The following LRP1 variants were observed in gnomAD, a reference collection of about 807,000 sequenced individuals.
LRP1 encodes the protein prolow-density lipoprotein receptor-related protein 1.
In LRP1, 51 loss-of-function variants were observed where a neutral mutation model predicts 541.5. The ratio of observed to expected loss-of-function variants is 0.09; its 90% CI spans 0.08 to 0.12. The LOEUF (loss-of-function observed/expected upper bound fraction) is 0.12. LRP1 is among the 10% of genes least tolerant of loss of function. The pLI is 1.00. For synonymous variants in LRP1, 2,219 were observed against 2,470.8 expected, an observed-to-expected ratio of 0.90 and a Z score of 3.02; for missense variants, 3,878 against 6,376.2, an observed-to-expected ratio of 0.61 and a Z score of 13.34.
At position 57,189,142 on chromosome 12, in the gene LRP1, C is replaced by T. The variant is rs2036327414; in HGVS notation, c.7032-1663C>T. ...CATGTTCCTGGACACTGAGCACCTA[C>T]CCCAGGAAAGCCTCTCTCTCCCTCC... On this transcript the variant is annotated intron_variant, in intron 42 of 88. Transcript: ENST00000243077. This position sits in a 1 kb window ranked among gnomAD's most constrained non-coding sequence, Gnocchi z 4.4. Among the ~76,000 whole-genome samples, 1 of 152,206 alleles carries T rather than the reference C, an allele frequency of 6.6e-6. No individual in the cohort carries two copies. The highest frequency in any genetic ancestry group is 2.4e-5 in the African/African-American group (1 of 41,448).
intron 78 of LRP1, 69 bp downstream of exon 78, chr12:57,208,886 G>C (rs926894260): frequency 7.4e-7 from 1 of 1,356,360 alleles, no homozygotes; most frequent in Non-Finnish European, 1.0e-6. Context: ...AGCTGCTGCT[G>C]AAGTCACACA....
rs1215484048 is a variant in LRP1 at position 57,198,578 on chromosome 12, C to T, written c.9584C>T (p.Thr3195Met). Residue 3195 changes from threonine (T) to methionine (M), a missense_variant, in exon 60 of 89, where the codon ACG (threonine) becomes ATG (methionine). Physicochemically the swap from Thr to Met is moderately conservative, Grantham distance 81. This residue lies in a region of LRP1 where 1,100 missense variants were observed against 1,827.4 expected (regional missense o/e 0.60). Coordinates refer to ENST00000243077, the MANE Select transcript of LRP1 (RefSeq NM_002332.3). The stretch of plus-strand genomic sequence containing the variant: ...AAGATCACATGGCCCAATGGCCTGA[C>T]GCTGGACTATGTCACTGAGCGCATC... ...DTKITWPNGL[T>M]LDYVTERIYW... is the part of the protein sequence containing the mutation. The T allele has an allele frequency of 1.2e-6, 2 of 1,613,924 alleles. No individual in the cohort carries two copies. Among genetic ancestry groups the T allele is most frequent in the Middle Eastern group, 1.6e-4 (1 of 6,062 alleles).
At position 57,184,269 on chromosome 12, in the gene LRP1, G is replaced by A. The variant is rs1256765224; in HGVS notation, c.6059+55G>A. 2 of 1,613,768 alleles carry A rather than the reference G, an allele frequency of 1.2e-6. No homozygotes were observed. Among genetic ancestry groups the A allele is most frequent in the African/African-American group, 2.7e-5 (2 of 74,908 alleles). Reference sequence around the variant, plus strand: ...TTCTGCCCATGGCCCATGCTGATGAGGCCCTGTCTCCTCCAGGGTCTGAGG... The same window carrying A: ...TTCTGCCCATGGCCCATGCTGATGAAGCCCTGTCTCCTCCAGGGTCTGAGG... On this transcript the variant is annotated intron_variant, in intron 37 of 88. Coordinates refer to ENST00000243077, the MANE Select transcript of LRP1 (RefSeq NM_002332.3). The surrounding 1 kb of genome is among the most constrained non-coding windows in gnomAD (Gnocchi z 7.8).
Position 57,184,075 on chromosome 12 carries a change from C to T in LRP1, c.5930-10C>T, listed in dbSNP as rs1256031847. 1 of 1,612,330 alleles carries T rather than the reference C, an allele frequency of 6.2e-7. No homozygotes were observed. Among genetic ancestry groups the T allele is most frequent in the South Asian group, 1.1e-5 (1 of 90,844 alleles). On this transcript the variant is annotated splice_polypyrimidine_tract_variant and intron_variant, in intron 36 of 88. Transcript: ENST00000243077. This position sits in a 1 kb window ranked among gnomAD's most constrained non-coding sequence, Gnocchi z 7.8. ...CTAACCTCCCTGAGCCCCACCAACT[C>T]CCTCCTTAGGCAACATCTACTGGAC...
chr12:57,202,039 G>C, intron 67 of LRP1, 134 bp downstream of exon 67: 5 of 1,182,166 alleles, frequency 4.2e-6, no homozygotes, highest in Non-Finnish European at 6.0e-6. Context: ...TCCTGGGCCT[G>C]CTGTGGGGCT....
Position 57,154,122 on chromosome 12 carries a change from C to A in LRP1, c.842-86C>A. On this transcript the variant is annotated intron_variant, in intron 6 of 88. Coordinates refer to ENST00000243077, the MANE Select transcript of LRP1 (RefSeq NM_002332.3). This position sits in a 1 kb window ranked among gnomAD's most constrained non-coding sequence, Gnocchi z 4.6. ...AGGGCGTCCAGAGAAGGTGGGCTTCCAGGTGTGGGTTCTCACCAGCAAAGG... is the reference window on the plus strand; with the variant it reads ...AGGGCGTCCAGAGAAGGTGGGCTTCAAGGTGTGGGTTCTCACCAGCAAAGG... 1 of 1,324,154 alleles carries A rather than the reference C, an allele frequency of 7.6e-7. No individual in the cohort carries two copies. The highest frequency in any genetic ancestry group is 1.4e-5 in the African/African-American group (1 of 69,290). 82.0% of individuals were successfully genotyped at this position (1,324,154 alleles called of 1,614,324 possible).
At position 57,173,876 on chromosome 12, in the gene LRP1, C is replaced by T. The variant is rs1479573182; in HGVS notation, c.3443C>T (p.Pro1148Leu). 6.8e-6 allele frequency: 11 copies of T among 1,614,198 alleles called. No individual in the cohort carries two copies. In the Middle Eastern group the frequency reaches 6.6e-4, roughly 97 times the overall value. Residue 1148 changes from proline (P) to leucine (L), a missense_variant, in exon 22 of 89, where the codon CCC becomes CTC. Coordinates refer to ENST00000243077, the MANE Select transcript of LRP1 (RefSeq NM_002332.3). The surrounding 1 kb of genome is among the most constrained non-coding windows in gnomAD (Gnocchi z 4.7). Reference sequence around the variant, plus strand: ...TGCGAGTCCCTGGCCTGCAGGCCACCCTCGCACCCTTGTGCCAACAACACC... The same window carrying T: ...TGCGAGTCCCTGGCCTGCAGGCCACTCTCGCACCCTTGTGCCAACAACACC... ...ENCESLACRP[P>L]SHPCANNTSV...
Position 57,146,922 on chromosome 12 carries a change from T to C in LRP1, c.841+1432T>C, listed in dbSNP as rs34833559. Among the ~76,000 whole-genome samples, 155 of 151,882 alleles carry C rather than the reference T, an allele frequency of 1.0e-3. 1 individual carries two copies. Among genetic ancestry groups the C allele is most frequent in the African/African-American group, 3.5e-3 (147 of 41,414 alleles). On this transcript the variant is annotated intron_variant, in intron 6 of 88. Coordinates refer to ENST00000243077, the MANE Select transcript of LRP1 (RefSeq NM_002332.3). ...CAACAGGCCTGTCTGGGCAGACAGC[T>C]TGTCAGTTTCCTCCCCAGCCCTGCA...
At position 57,173,346 on chromosome 12, in the gene LRP1, C is replaced by T; in HGVS notation, c.3342C>T (p.Asp1114=). The T allele has an allele frequency of 6.2e-7, 1 of 1,612,880 alleles. No homozygotes were observed. Among genetic ancestry groups the T allele is most frequent in the Non-Finnish European group, 8.5e-7 (1 of 1,179,152 alleles). ...CCAGTGTCAAGTTTGGCTGCAAGGA[C>T]TCAGGTGAAGAGGATGGTTGGAGGG... is the stretch of plus-strand genomic sequence containing the variant. ...CDPSVKFGCK[D]SARCISKAWV... Residue 1114 remains aspartate (D), a synonymous_variant, in exon 21 of 89, where the codon GAC becomes GAT. Coordinates refer to ENST00000243077, the MANE Select transcript of LRP1 (RefSeq NM_002332.3). The surrounding 1 kb of genome is among the most constrained non-coding windows in gnomAD (Gnocchi z 4.7).
chr12:57,128,786 G>A lies in LRP1; in HGVS notation c.-179G>A. 1 of 505,500 alleles carries A rather than the reference G, an allele frequency of 2.0e-6. No homozygotes were observed. The allele number at this position is 505,500 out of a possible 1,614,324, so 31.3% of individuals were successfully genotyped here. On this transcript the variant is annotated 5_prime_UTR_variant, in exon 1 of 89. Coordinates refer to ENST00000243077, the MANE Select transcript of LRP1 (RefSeq NM_002332.3). ...ACCCCCGTCAGCAGGCCCTCCCCAAGGGGCTCGGAACTCTACCTCTTCACC... is the reference window on the plus strand; with the variant it reads ...ACCCCCGTCAGCAGGCCCTCCCCAAAGGGCTCGGAACTCTACCTCTTCACC...
At chr12:57,137,039 C>G (rs768303739) in intron 1 of LRP1, among the ~76,000 whole-genome samples, 1 of 151,956 alleles carries the variant, frequency 6.6e-6, no homozygotes, top group African/African-American at 2.4e-5. Flanking sequence ...GTTGGGAGTT[C>G]GAGACCAGCC....
Position 57,179,216 on chromosome 12 carries a change from A to G in LRP1, c.4739-113A>G. On this transcript the variant is annotated intron_variant, in intron 28 of 88. Coordinates refer to ENST00000243077, the MANE Select transcript of LRP1 (RefSeq NM_002332.3). This position sits in a 1 kb window ranked among gnomAD's most constrained non-coding sequence, Gnocchi z 6.8. Reference sequence around the variant, plus strand: ...TGCACCCAGCGGGGTATGTCCACGGAGCCAAGGGCCAGTAGCAAACAGACG... The same window carrying G: ...TGCACCCAGCGGGGTATGTCCACGGGGCCAAGGGCCAGTAGCAAACAGACG... The G allele has an allele frequency of 8.6e-7, 1 of 1,167,216 alleles. No individual in the cohort carries two copies. The highest frequency in any genetic ancestry group is 1.2e-6 in the Non-Finnish European group (1 of 814,520). 72.3% of individuals were successfully genotyped at this position (1,167,216 alleles called of 1,614,324 possible).
rs549991538 is a variant in LRP1, at chr12:57,211,445, C to G, written c.13092-42C>G. 12 of 1,610,178 alleles carry G rather than the reference C, an allele frequency of 7.5e-6. No homozygotes were observed. Among genetic ancestry groups the G allele is most frequent in the Non-Finnish European group, 1.0e-5 (12 of 1,178,430 alleles). The stretch of plus-strand genomic sequence containing the variant: ...TCCCTTCCTCAGCATCCCAGGCACG[C>G]CTCTGCCAGCCCCAGCCCCAGCCTC... On this transcript the variant is annotated intron_variant, in intron 84 of 88. Transcript: ENST00000243077. The surrounding 1 kb of genome is among the most constrained non-coding windows in gnomAD (Gnocchi z 4.3).
At chr12:57,176,951 A>T in intron 24 of LRP1, 90 bp from the exon 25 acceptor site, 3 of 1,082,224 alleles carry the variant, frequency 2.8e-6, no homozygotes, top group Non-Finnish European at 4.2e-6. Flanking sequence ...GCCAGGGTTG[A>T]GGGTGGGTCA....
At chr12:57,191,918 ACACTACACATACCACAC>A (rs2036406762) in intron 44 of LRP1, among the ~76,000 whole-genome samples, 3 of 692 alleles carry the variant, frequency 4.3e-3, no homozygotes, top group African/African-American at 0.01. Context: ...ACCACCACAC[ACACTACACATACCACAC>A]ACACACCACA....
In LRP1 at chr12:57,161,048, G is replaced by A. The variant is rs1274714780; in HGVS notation, c.2135G>A (p.Arg712His). ...NGLSLDIPAG[R>H]LYWVDAFYDR... ...CTAAGCCTGGACATCCCGGCTGGGC[G>A]CCTCTACTGGGTGGATGCCTTCTAC... Residue 712 changes from arginine to histidine, a missense_variant, in exon 13 of 89, where the codon CGC becomes CAC. Coordinates refer to ENST00000243077, the MANE Select transcript of LRP1 (RefSeq NM_002332.3). 9 of 1,613,796 alleles carry A rather than the reference G, an allele frequency of 5.6e-6. No individual in the cohort carries two copies. The highest frequency in any genetic ancestry group is 1.6e-4 in the Middle Eastern group (1 of 6,084).
At chr12:57,164,722 G>C (rs7975818) in intron 15 of LRP1, 68,476 of 152,064 alleles carry the variant, frequency 0.45, 17,945 homozygotes, top group African/African-American at 0.73. Flanking sequence ...TCTGCTATTT[G>C]TCACATCATC....
chr12:57,207,277 A>AATAC (rs1179585380), intron 76 of LRP1, among the ~76,000 whole-genome samples: 1 of 138,600 alleles, frequency 7.2e-6, no homozygotes, highest in East Asian at 2.0e-4. Context: ...TAAATAAATA[A>AATAC]ATAAATAGAG....
In LRP1 at chr12:57,196,930, G is replaced by A. The variant is rs1376057720; in HGVS notation, c.8893-52G>A. 12 of 1,490,490 alleles carry A rather than the reference G, an allele frequency of 8.1e-6. No individual in the cohort carries two copies. The Admixed American group carries it at 1.9e-4, about 23-fold the overall frequency. 92.3% of individuals were successfully genotyped at this position (1,490,490 alleles called of 1,614,324 possible). A position where few individuals can be genotyped will look rare whatever the true frequency, so the allele number is the denominator to read the frequency against. On this transcript the variant is annotated intron_variant, in intron 55 of 88. Coordinates refer to ENST00000243077, the MANE Select transcript of LRP1 (RefSeq NM_002332.3). ...AGTCTCTGAGCCAGGTCTCCAGGGT[G>A]GGAGGCCCAGACCCTGCCACATGCC...
Sources: allele counts gnomAD v4.1 joint callset (sites outside exome capture counted in the v4.1 genomes callset), GRCh38; gene constraint gnomAD v4.1.1; regional missense constraint gnomAD v4.1.1; non-coding constraint Gnocchi (gnomAD v3.1); transcripts MANE v1.5; gene names NCBI Gene and HGNC (gene_info 2026-07-23, HGNC 2026-07-21).